AHRR: variants seen among roughly 807,000 people sequenced by gnomAD.
The protein encoded by AHRR is aryl hydrocarbon receptor repressor.
AHRR carries 28 observed loss-of-function variants against 44.0 expected under a neutral mutation model. The ratio of observed to expected loss-of-function variants is 0.64; its 90% CI spans 0.47 to 0.87. The LOEUF (loss-of-function observed/expected upper bound fraction) is 0.87, where lower values mean the gene tolerates loss of function less well. Among genes scored for constraint, AHRR ranks in the 40% least tolerant of loss-of-function variants. AHRR has a pLI of 0.00. For missense variants in AHRR, 990 were observed against 953.9 expected, an observed-to-expected ratio of 1.04 and a Z score of -0.50; for synonymous variants, 434 against 407.0, an observed-to-expected ratio of 1.07 and a Z score of -0.80.
Position 432,461 on chromosome 5 carries a change from A to G in AHRR, c.909-2A>G, listed in dbSNP as rs759011835. On this transcript the variant is annotated splice_acceptor_variant, in intron 8 of 10. Coordinates refer to ENST00000684583, the MANE Select transcript of AHRR (RefSeq NM_001377236.1). LOFTEE classifies it high-confidence loss of function. ...TCACATGTTCATCTGTGTTCTTCACAGAGTAAAAGCCACCACCAGTCTGTG... is the reference window on the plus strand; with the variant it reads ...TCACATGTTCATCTGTGTTCTTCACGGAGTAAAAGCCACCACCAGTCTGTG... 6.2e-7 allele frequency: 1 copy of G among 1,614,168 alleles called. No individual in the cohort carries two copies.
Position 387,159 on chromosome 5 carries a change from G to A in AHRR, c.351+10443G>A, listed in dbSNP as rs571663737. Among the ~76,000 whole-genome samples the A allele has an allele frequency of 3.3e-4, 50 of 152,202 alleles. No individual in the cohort carries two copies. The highest frequency in any genetic ancestry group is 6.3e-4 in the Non-Finnish European group (43 of 68,032). The stretch of plus-strand genomic sequence containing the variant: ...CAAAGTGCTTTACGCTGTGTCTCTG[G>A]TGTGTTCCACACCTGCAGCTTGGGA... On this transcript the variant is annotated intron_variant, in intron 4 of 10. Transcript: ENST00000684583. This position sits in a 1 kb window ranked among gnomAD's most constrained non-coding sequence, Gnocchi z 5.1.
chr5:391,336 G>A (rs997318863), intron 4 of AHRR, among the ~76,000 whole-genome samples: 3 of 130,554 alleles, frequency 2.3e-5, no homozygotes, highest in Non-Finnish European at 5.1e-5. Flanking sequence ...GGCGCAGGGC[G>A]AGGCGGGCGC....
intron 1 of AHRR, among the ~76,000 whole-genome samples, chr5:325,143 C>A (rs1741660452): frequency 6.6e-6 from 1 of 152,226 alleles, no homozygotes; most frequent in Non-Finnish European, 1.5e-5. Flanking sequence ...ACTAGCCCCA[C>A]CTCTGACAAC....
At chr5:333,852 G>A (rs1439654016) in intron 1 of AHRR, among the ~76,000 whole-genome samples, 1 of 152,136 alleles carries the variant, frequency 6.6e-6, no homozygotes, top group East Asian at 1.9e-4. Flanking sequence ...TTCCATAATG[G>A]TGAATGTCGT....
intron 3 of AHRR, among the ~76,000 whole-genome samples, chr5:366,625 C>G (rs762116794): frequency 6.6e-6 from 1 of 152,052 alleles, no homozygotes; most frequent in Non-Finnish European, 1.5e-5. Flanking sequence ...TTTTTGTAGT[C>G]TTGAACAAAA....
chr5:424,435 T>C (rs1203560760), intron 7 of AHRR, among the ~76,000 whole-genome samples: 1 of 126,354 alleles, frequency 7.9e-6, no homozygotes, highest in Non-Finnish European at 1.9e-5. Context: ...CCTGTGATGG[T>C]ATGGGGGTGT....
At chr5:424,802 C>T (rs1003347537) in intron 7 of AHRR, among the ~76,000 whole-genome samples, 13 of 152,154 alleles carry the variant, frequency 8.5e-5, no homozygotes, top group Admixed American at 2.6e-4. Flanking sequence ...GTTTTCACTT[C>T]TGCTATTTGA....
chr5:323,342 T>C (rs143830606), intron 1 of AHRR, among the ~76,000 whole-genome samples: 306 of 152,310 alleles, frequency 2.0e-3, no homozygotes, highest in African/African-American at 7.1e-3. Context: ...CAACCTATTG[T>C]AATAGCATCC....
At position 411,595 on chromosome 5, in the gene AHRR, C is replaced by T. The variant is rs1167412513; in HGVS notation, c.352-1749C>T. The stretch of plus-strand genomic sequence containing the variant: ...GAATGCAGGAAATGTTTTTCAATGT[C>T]ATTAGTAATCAAAGAAATGAAAACT... On this transcript the variant is annotated intron_variant, in intron 4 of 10. Coordinates refer to ENST00000684583, the MANE Select transcript of AHRR (RefSeq NM_001377236.1). The surrounding 1 kb of genome is among the most constrained non-coding windows in gnomAD (Gnocchi z 4.2). Among the ~76,000 whole-genome samples the T allele has an allele frequency of 6.6e-6, 1 of 152,008 alleles. No individual in the cohort carries two copies. Among genetic ancestry groups the T allele is most frequent in the African/African-American group, 2.4e-5 (1 of 41,396 alleles).
At chr5:374,188 C>T (rs1743695551) in intron 3 of AHRR, among the ~76,000 whole-genome samples, 2 of 152,000 alleles carry the variant, frequency 1.3e-5, no homozygotes, top group South Asian at 2.1e-4. Flanking sequence ...CCGCGGACCT[C>T]GGCGGGGAGC....
Position 338,643 on chromosome 5 carries a change from G to A in AHRR, c.-10-5250G>A, listed in dbSNP as rs1264403316. Reference sequence around the variant, plus strand: ...AATTGCTTGAACCCAGGAGTTCAAGGCCAGACTGGGCAACATGATGAAACC... The same window carrying A: ...AATTGCTTGAACCCAGGAGTTCAAGACCAGACTGGGCAACATGATGAAACC... On this transcript the variant is annotated intron_variant, in intron 1 of 10. Transcript: ENST00000684583. The surrounding 1 kb of genome is among the most constrained non-coding windows in gnomAD (Gnocchi z 4.1). 6.6e-6 allele frequency among the ~76,000 whole-genome samples: 1 copy of A among 152,060 alleles called. No homozygotes were observed. The highest frequency in any genetic ancestry group is 1.5e-5 in the Non-Finnish European group (1 of 68,010).
chr5:407,688 C>T (rs751866527), intron 4 of AHRR, among the ~76,000 whole-genome samples: 14 of 152,158 alleles, frequency 9.2e-5, no homozygotes, highest in Non-Finnish European at 1.9e-4. Flanking sequence ...CACAGGCATG[C>T]GCCACCACAC....
intron 4 of AHRR, among the ~76,000 whole-genome samples, chr5:377,146 C>A (rs1272806703): frequency 2.6e-5 from 4 of 152,170 alleles, no homozygotes. Flanking sequence ...ACCCTGGAAG[C>A]TGTGGGCCTG....
At position 394,672 on chromosome 5, in the gene AHRR, C is replaced by T. The variant is rs1462303914; in HGVS notation, c.351+17956C>T. ...TGCTGGAACCCTGCTTGTCTTCGCC[C>T]GTTGCTTGGCTCCACTTTCCTGGCT... On this transcript the variant is annotated intron_variant, in intron 4 of 10. Coordinates refer to ENST00000684583, the MANE Select transcript of AHRR (RefSeq NM_001377236.1). Among the ~76,000 whole-genome samples the T allele has an allele frequency of 3.3e-5, 5 of 152,238 alleles. No homozygotes were observed. In the South Asian group the frequency reaches 8.3e-4, roughly 25 times the overall value.
intron 5 of AHRR, 47 bp from the exon 6 acceptor site, chr5:422,682 A>G (rs567343166): frequency 6.2e-7 from 1 of 1,613,474 alleles, no homozygotes; most frequent in African/African-American, 1.3e-5. Flanking sequence ...TAAAGTGTCT[A>G]AAGCCACTTG....
chr5:429,928 C>T (rs1736648630), intron 8 of AHRR, among the ~76,000 whole-genome samples: 2 of 152,224 alleles, frequency 1.3e-5, no homozygotes, highest in Non-Finnish European at 2.9e-5. Flanking sequence ...GCTCTCTGCT[C>T]TGTTTGCCTT....
intron 5 of AHRR, among the ~76,000 whole-genome samples, chr5:420,674 C>T (rs925220015): frequency 7.9e-5 from 12 of 152,200 alleles, no homozygotes; most frequent in African/African-American, 2.2e-4. Context: ...TTGTGGTGTC[C>T]ACCAGGAGGG....
chr5:434,735 G>C lies in AHRR; in HGVS notation c.1995G>C (p.Trp665Cys). Residue 665 changes from tryptophan to cysteine, a missense_variant, in exon 11 of 11, where the codon TGG becomes TGC. Transcript: ENST00000684583. ...VKREPLDSPQ[W>C]ATHSQGMVPG... ...GGGAGCCCTTGGACTCACCCCAGTGGGCTACTCACAGCCAGGGAATGGTGC... is the reference window on the plus strand; with the variant it reads ...GGGAGCCCTTGGACTCACCCCAGTGCGCTACTCACAGCCAGGGAATGGTGC... 8 of 1,570,274 alleles carry C rather than the reference G, an allele frequency of 5.1e-6. No individual in the cohort carries two copies. Among genetic ancestry groups the C allele is most frequent in the Non-Finnish European group, 6.9e-6 (8 of 1,157,480 alleles).
intron 3 of AHRR, among the ~76,000 whole-genome samples, chr5:354,854 C>T (rs924111633): frequency 5.3e-5 from 8 of 152,146 alleles, no homozygotes; most frequent in East Asian, 1.9e-4. Context: ...CAGACCTCTG[C>T]GCACCCTCAG....
Sources: allele counts gnomAD v4.1 joint callset (sites outside exome capture counted in the v4.1 genomes callset), GRCh38; gene constraint gnomAD v4.1.1; non-coding constraint Gnocchi (gnomAD v3.1); transcripts MANE v1.5; gene names NCBI Gene and HGNC (gene_info 2026-07-23, HGNC 2026-07-21).